The following SLC9A7 variants were observed in gnomAD, a reference collection of about 807,000 sequenced individuals.
SLC9A7 encodes the protein sodium/hydrogen exchanger 7.
In SLC9A7, 19 loss-of-function variants were observed where a neutral mutation model predicts 52.6. The ratio of observed to expected loss-of-function variants is 0.36; its 90% CI spans 0.25 to 0.53. The LOEUF is 0.53. Ranked by LOEUF, SLC9A7 falls within the 20% of genes least tolerant of loss-of-function variation. SLC9A7 has a pLI of 0.91. For missense variants in SLC9A7, 455 were observed against 597.9 expected (o/e 0.76, Z 2.49); for synonymous variants, 226 against 252.1 (o/e 0.90, Z 0.98).
At chrX:46,748,631 A>G (rs1443382752) in intron 1 of SLC9A7, among the ~76,000 whole-genome samples, 1 of 108,772 alleles carries the variant, frequency 9.2e-6, no homozygotes, top group Admixed American at 9.8e-5. Context: ...AATGAAGTTC[A>G]TATATGGGCT....
intron 7 of SLC9A7, among the ~76,000 whole-genome samples, chrX:46,658,980 T>C (rs1181696374): frequency 9.0e-6 from 1 of 111,196 alleles, no homozygotes; most frequent in Middle Eastern, 4.2e-3. Context: ...CTCAGCAAAA[T>C]ACTGGCAAAC....
Position 46,688,451 on chromosome X carries a change from G to A in SLC9A7, c.326-5916C>T, listed in dbSNP as rs780817667. On this transcript the variant is annotated intron_variant, in intron 1 of 16. Transcript: ENST00000616978. Reference sequence around the variant, plus strand: ...CATCTCTACTAAAAATACAAAATTAGCTGGACGTTGTGGCACATGCCTGTA... The same window carrying A: ...CATCTCTACTAAAAATACAAAATTAACTGGACGTTGTGGCACATGCCTGTA... Among the ~76,000 whole-genome samples, 517 of 110,500 alleles carry A rather than the reference G, an allele frequency of 4.7e-3. 3 individuals carry two copies. The highest frequency in any genetic ancestry group is 7.1e-3 in the Admixed American group (73 of 10,332).
intron 2 of SLC9A7, among the ~76,000 whole-genome samples, chrX:46,681,062 T>A (rs778568682): frequency 8.9e-6 from 1 of 112,458 alleles, no homozygotes; most frequent in South Asian, 3.6e-4. Flanking sequence ...GCTCTTCTTA[T>A]CAACCAAGCT....
intron 1 of SLC9A7, among the ~76,000 whole-genome samples, chrX:46,709,386 G>A (rs376174820): frequency 9.0e-6 from 1 of 110,908 alleles, no homozygotes; most frequent in Non-Finnish European, 1.9e-5. Context: ...CAGCATGGGT[G>A]ACAGAGTGAG....
chrX:46,674,731 C>T (rs1298448665), intron 3 of SLC9A7, among the ~76,000 whole-genome samples: 1 of 111,916 alleles, frequency 8.9e-6, no homozygotes, highest in African/African-American at 3.2e-5. Context: ...TCATCCCACC[C>T]TTATTTGGTT....
At chrX:46,631,692 T>C in intron 13 of SLC9A7, 43 bp from the exon 14 acceptor site, 1 of 1,084,941 alleles carries the variant, frequency 9.2e-7, no homozygotes, top group Non-Finnish European at 1.3e-6. Context: ...AAACAGAGCG[T>C]ATTAGCTTGG....
At chrX:46,749,395 G>T (rs1193020749) in intron 1 of SLC9A7, among the ~76,000 whole-genome samples, 2 of 111,625 alleles carry the variant, frequency 1.8e-5, no homozygotes, top group Admixed American at 1.9e-4. Context: ...CTCTCCAGAA[G>T]ATTCTGATAT....
chrX:46,625,713 CAAAAAAAAA>C (rs756504189), intron 14 of SLC9A7, among the ~76,000 whole-genome samples: 1 of 45,103 alleles, frequency 2.2e-5, no homozygotes, highest in South Asian at 1.3e-3. Flanking sequence ...GTCTCTCTCT[CAAAAAAAAA>C]AAAAAAAAAA....
intron 16 of SLC9A7, 139 bp from the exon 17 acceptor site, chrX:46,607,342 G>A: frequency 1.5e-6 from 1 of 665,872 alleles, no homozygotes; most frequent in East Asian, 3.5e-5. Context: ...CCTCTAGCGT[G>A]GTAACTGGAT....
At chrX:46,722,345 G>C (rs745580816) in intron 1 of SLC9A7, among the ~76,000 whole-genome samples, 1 of 111,705 alleles carries the variant, frequency 9.0e-6, no homozygotes, top group South Asian at 3.7e-4. Flanking sequence ...ATAAACACAA[G>C]GATCCATAGC....
chrX:46,644,636 C>CAA (rs146198116), intron 11 of SLC9A7, among the ~76,000 whole-genome samples: 12 of 66,318 alleles, frequency 1.8e-4, no homozygotes, highest in Admixed American at 5.2e-4. Context: ...GGCTGTGTCT[C>CAA]AAAAAAAAAA....
chrX:46,728,405 C>G (rs1260076476), intron 1 of SLC9A7, among the ~76,000 whole-genome samples: 1 of 112,089 alleles, frequency 8.9e-6, no homozygotes, highest in Non-Finnish European at 1.9e-5. Context: ...AAAAGATGTT[C>G]AACATTATTA....
At position 46,621,015 on chromosome X, in the gene SLC9A7, G is replaced by A. The variant is rs141094938; in HGVS notation, c.1785C>T (p.Ser595=). Residue 595 remains serine, a synonymous_variant, in exon 15 of 17, where the codon AGC becomes AGT. Coordinates refer to ENST00000616978, the MANE Select transcript of SLC9A7 (RefSeq NM_001257291.2). ...SARGNRTKQE[S]AWIFRLWYSF... ...TGTACCACAGCCTGAATATCCATGC[G>A]CTCTCCTGTTTTGTCCGGTTTCCTC... 3.7e-4 allele frequency: 448 copies of A among 1,206,469 alleles called. No individual in the cohort carries two copies. The highest frequency in any genetic ancestry group is 5.9e-4 in the African/African-American group (34 of 57,288).
intron 14 of SLC9A7, among the ~76,000 whole-genome samples, chrX:46,631,226 G>A (rs765660510): frequency 1.9e-4 from 21 of 112,273 alleles, no homozygotes; most frequent in Non-Finnish European, 3.6e-4. Flanking sequence ...CAGATCCCTG[G>A]GCTGGAGAGT....
intron 5 of SLC9A7, among the ~76,000 whole-genome samples, chrX:46,664,384 A>G (rs1943883031): frequency 8.9e-6 from 1 of 111,809 alleles, no homozygotes; most frequent in African/African-American, 3.3e-5. Flanking sequence ...ACATCAGCCC[A>G]GTACTGGTAC....
intron 1 of SLC9A7, among the ~76,000 whole-genome samples, chrX:46,749,046 T>C (rs1022521154): frequency 8.9e-6 from 1 of 111,977 alleles, no homozygotes; most frequent in African/African-American, 3.2e-5. Context: ...TGTGTACTCA[T>C]TTATTCCTTC....
intron 14 of SLC9A7, among the ~76,000 whole-genome samples, chrX:46,625,962 C>T (rs754980861): frequency 5.4e-5 from 6 of 111,220 alleles, no homozygotes; most frequent in Non-Finnish European, 1.1e-4. Context: ...AGCAGAGAAA[C>T]CAGCTGAGCC....
chrX:46,684,074 G>A (rs1274450770), intron 1 of SLC9A7, among the ~76,000 whole-genome samples: 1 of 112,435 alleles, frequency 8.9e-6, no homozygotes, highest in Non-Finnish European at 1.9e-5. Flanking sequence ...CTTGCAGTTT[G>A]TTGACTTGTA....
In SLC9A7 at chrX:46,604,810, G is replaced by A. The variant is rs1409530721; in HGVS notation, c.*2142C>T. ...GGTCGAATATCAGCAAACTCATATG[G>A]CTCAACCTAATTAAATACGTATTTT... is the stretch of plus-strand genomic sequence containing the variant. On this transcript the variant is annotated 3_prime_UTR_variant, in exon 17 of 17. Coordinates refer to ENST00000616978, the MANE Select transcript of SLC9A7 (RefSeq NM_001257291.2). 1 of 112,174 alleles carries A rather than the reference G, an allele frequency of 8.9e-6. No homozygotes were observed. Among genetic ancestry groups the A allele is most frequent in the Non-Finnish European group, 1.9e-5 (1 of 53,260 alleles). 9.2% of individuals were successfully genotyped at this position (112,174 alleles called of 1,213,427 possible). A position where few individuals can be genotyped will look rare whatever the true frequency, so the allele number is the denominator to read the frequency against.
Sources: gnomAD v4.1 joint callset for allele counts (sites outside exome capture counted in the v4.1 genomes callset) on GRCh38, gnomAD v4.1.1 for gene constraint, MANE v1.5 for transcripts, NCBI Gene and HGNC (gene_info 2026-07-23, HGNC 2026-07-21) for gene names.